The following DRP2 variants were observed in gnomAD, a reference collection of about 807,000 sequenced individuals.
DRP2 encodes dystrophin-related protein 2.
Under a neutral mutation model 78.2 loss-of-function variants are expected in DRP2, and 29 were observed. The observed-to-expected ratio is 0.37, with a 90% confidence interval of 0.28 to 0.51. The LOEUF is 0.51. Ranked by LOEUF, DRP2 falls within the 20% of genes least tolerant of loss-of-function variation. The pLI is 0.94. For synonymous variants in DRP2, 290 were observed against 281.9 expected (o/e 1.03, Z -0.29); for missense variants, 686 against 770.6 (o/e 0.89, Z 1.30).
chrX:101,252,983 G>A (rs1425823111), intron 17 of DRP2, among the ~76,000 whole-genome samples: 2 of 111,730 alleles, frequency 1.8e-5, no homozygotes, highest in African/African-American at 6.5e-5. Context: ...AAAAGTCTCA[G>A]GAAAAACAAA....
chrX:101,248,060 T>G, intron 12 of DRP2, 29 bp from the exon 13 acceptor site: 1 of 1,193,464 alleles, frequency 8.4e-7, no homozygotes, highest in Non-Finnish European at 1.1e-6. Context: ...TGGCTATATT[T>G]TTTTTCTCTT....
At chrX:101,240,391 A>C (rs1922675262) in intron 6 of DRP2, among the ~76,000 whole-genome samples, 1 of 111,669 alleles carries the variant, frequency 9.0e-6, no homozygotes, top group African/African-American at 3.3e-5. Context: ...GCATGCTACC[A>C]CACCCAGCTA....
chrX:101,254,717 C>T, intron 18 of DRP2, 142 bp from the exon 19 acceptor site: 1 of 1,047,676 alleles, frequency 9.5e-7, no homozygotes. Context: ...TGCACTCTGG[C>T]CTGAGAAGTA....
At position 101,231,744 on chromosome X, in the gene DRP2, A is replaced by G; in HGVS notation, c.97A>G (p.Ser33Gly). ...GTTCCATCATAGCAGCAGCCTCCGA[A>G]GCACCTGCCCCCACCCTCAGGTAAG... ...DQFHHSSSLRSTCPHPQVRAA... is the reference protein window; with the variant it reads ...DQFHHSSSLRGTCPHPQVRAA... The change falls in exon 3 of 24, where the codon AGC (serine) becomes GGC (glycine). Residue 33 changes from serine (S) to glycine (G), a missense_variant. By Grantham distance (56) the Ser-to-Gly change is moderately conservative. Around this residue, in one of 2 missense-constraint regions of DRP2, gnomAD observed 263 missense variants for 239.1 expected, o/e 1.10. Transcript: ENST00000395209. The G allele has an allele frequency of 8.3e-7, 1 of 1,209,689 alleles. No homozygotes were observed. Among genetic ancestry groups the G allele is most frequent in the Non-Finnish European group, 1.1e-6 (1 of 894,016 alleles).
Position 101,260,038 on chromosome X carries a change from C to G in DRP2, c.2629-11C>G. 8.3e-7 allele frequency: 1 copy of G among 1,211,079 alleles called. No individual in the cohort carries two copies. The highest frequency in any genetic ancestry group is 1.1e-6 in the Non-Finnish European group (1 of 895,224). On this transcript the variant is annotated splice_polypyrimidine_tract_variant and intron_variant, in intron 22 of 23. Transcript: ENST00000395209. The stretch of plus-strand genomic sequence containing the variant: ...GCAAATCCACTTAAGTCATGCCTTA[C>G]CTCTTGCTAGCCACCCACCGAATCA...
chrX:101,254,600 C>T, intron 18 of DRP2, 39 bp downstream of exon 18: 1 of 1,209,194 alleles, frequency 8.3e-7, no homozygotes. Context: ...TGGGCAGCCT[C>T]ACTGAGCCCG....
At position 101,237,672 on chromosome X, in the gene DRP2, A is replaced by G. The variant is rs998121576; in HGVS notation, c.335A>G (p.Gln112Arg). Reference protein sequence around the residue: ...DHSGKLQLPLQEIIDWLSQKD... With the variant: ...DHSGKLQLPLREIIDWLSQKD... ...AGTGGAAAGCTTCAGCTCCCTCTTC[A>G]AGAGATTATTGACTGGCTCAGCCAA... Residue 112 changes from glutamine (Q) to arginine (R), a missense_variant, in exon 5 of 24, where the codon CAA becomes CGA. Physicochemically the swap from Gln to Arg is conservative, Grantham distance 43. Around this residue, in one of 2 missense-constraint regions of DRP2, gnomAD observed 263 missense variants for 239.1 expected, o/e 1.10. Coordinates refer to ENST00000395209, the MANE Select transcript of DRP2 (RefSeq NM_001939.3). The G allele has an allele frequency of 1.2e-5, 14 of 1,175,213 alleles. No individual in the cohort carries two copies. The highest frequency in any genetic ancestry group is 1.8e-5 in the African/African-American group (1 of 56,893).
At chrX:101,223,029 C>T (rs968690000) in intron 1 of DRP2, among the ~76,000 whole-genome samples, 7 of 111,673 alleles carry the variant, frequency 6.3e-5, no homozygotes, top group African/African-American at 2.3e-4. Flanking sequence ...TTTTTCTCCC[C>T]GCCAAGAGAC....
rs1199650511 is a variant in DRP2 at position 101,260,523 on chromosome X, G to A, written c.2776G>A (p.Val926Ile). The A allele has an allele frequency of 1.7e-6, 2 of 1,209,312 alleles. No homozygotes were observed. Among genetic ancestry groups the A allele is most frequent in the Non-Finnish European group, 1.1e-6 (1 of 895,082 alleles). ...TGATGTGGGGTCAAAGAGCCAGGAT[G>A]TCAGCCTGTGCTTGGAGGACATCAT... Reference protein sequence around the residue: ...ADDVGSKSQDVSLCLEDIMEK... With the variant: ...ADDVGSKSQDISLCLEDIMEK... Residue 926 changes from valine (V) to isoleucine (I), a missense_variant, in exon 24 of 24, where the codon GTC (valine) becomes ATC (isoleucine). Physicochemically the swap from Val to Ile is conservative, Grantham distance 29. Transcript: ENST00000395209.
intron 9 of DRP2, among the ~76,000 whole-genome samples, chrX:101,244,794 G>A (rs1033073882): frequency 1.8e-5 from 2 of 112,230 alleles, no homozygotes; most frequent in Non-Finnish European, 3.8e-5. Context: ...TTAGGATATC[G>A]GTGACAACCT....
intron 3 of DRP2, among the ~76,000 whole-genome samples, chrX:101,232,180 G>C (rs1922331069): frequency 1.8e-5 from 2 of 110,893 alleles, no homozygotes; most frequent in South Asian, 7.9e-4. Flanking sequence ...TTCCTCTCAA[G>C]TTCCTAGCCT....
At chrX:101,253,851 T>G (rs747441900) in intron 17 of DRP2, among the ~76,000 whole-genome samples, 3 of 111,615 alleles carry the variant, frequency 2.7e-5, no homozygotes, top group Admixed American at 9.6e-5. Flanking sequence ...CATGGAAAAC[T>G]GGCTGGATCT....
At chrX:101,224,197 T>TTG (rs1569507498) in intron 1 of DRP2, among the ~76,000 whole-genome samples, 4 of 62,699 alleles carry the variant, frequency 6.4e-5, no homozygotes, top group African/African-American at 3.1e-4. Flanking sequence ...TTTTGTTTTT[T>TTG]TTTTTTTTTT....
chrX:101,228,523 A>G (rs1420280590), intron 2 of DRP2, among the ~76,000 whole-genome samples: 2 of 111,933 alleles, frequency 1.8e-5, no homozygotes, highest in African/African-American at 6.5e-5. Flanking sequence ...CACTGCTAAT[A>G]GGTTGAATAG....
chrX:101,229,765 A>G (rs1461699433), intron 2 of DRP2, among the ~76,000 whole-genome samples: 2 of 111,542 alleles, frequency 1.8e-5, no homozygotes, highest in Non-Finnish European at 3.8e-5. Context: ...AAAAGAGATC[A>G]CCTTATTATT....
Position 101,245,397 on chromosome X carries a change from T to C in DRP2, c.1125T>C (p.Ala375=), listed in dbSNP as rs1468506881. The C allele has an allele frequency of 8.3e-7, 1 of 1,203,001 alleles. No homozygotes were observed. Among genetic ancestry groups the C allele is most frequent in the Non-Finnish European group, 1.1e-6 (1 of 891,546 alleles). ...NKVPYYINHQ[A]QTTCWDHPKM... is the part of the protein sequence containing the mutation. Reference sequence around the variant, plus strand: ...ATGCTATTGTTTGTAGCCACCAGGCTCAGACCACATGCTGGGACCATCCCA... The same window carrying C: ...ATGCTATTGTTTGTAGCCACCAGGCCCAGACCACATGCTGGGACCATCCCA... The change falls in exon 11 of 24, where the codon GCT becomes GCC. Residue 375 remains alanine, a synonymous_variant. Transcript: ENST00000395209.
intron 2 of DRP2, among the ~76,000 whole-genome samples, chrX:101,225,668 T>G (rs777088889): frequency 1.8e-5 from 2 of 111,850 alleles, no homozygotes; most frequent in East Asian, 2.8e-4. Context: ...AAATAGTTGT[T>G]GACCTCCTTG....
In DRP2 at chrX:101,258,326, T is replaced by C; in HGVS notation, c.2408T>C (p.Leu803Pro). The change falls in exon 22 of 24, where the codon CTG (leucine) becomes CCG (proline). Residue 803 changes from leucine to proline, a missense_variant. Around this residue, in one of 2 missense-constraint regions of DRP2, gnomAD observed 423 missense variants for 531.5 expected, o/e 0.80. Transcript: ENST00000395209. The part of the protein sequence containing the change: ...EDENRILQGE[L>P]RRLKWQHEEA... ...CATGGCAGGATTCTCCAGGGAGAGC[T>C]GAGGCGCCTGAAGTGGCAGCATGAG... 8.5e-7 allele frequency: 1 copy of C among 1,179,862 alleles called. No individual in the cohort carries two copies. The highest frequency in any genetic ancestry group is 3.1e-5 in the East Asian group (1 of 32,169).
At position 101,256,552 on chromosome X, in the gene DRP2, ATT is replaced by A. The variant is rs61273526; in HGVS notation, c.2390+304_2390+305del. On this transcript the variant is annotated intron_variant, in intron 21 of 23. Coordinates refer to ENST00000395209, the MANE Select transcript of DRP2 (RefSeq NM_001939.3). ...ATAATAATTATTTGAAAACTTTTAA[ATT>A]TTTTTTTTTTTTGAGACAGAGTCTC... Among the ~76,000 whole-genome samples the A allele has an allele frequency of 3.8e-4, 37 of 98,249 alleles. 1 individual carries two copies. Among genetic ancestry groups the A allele is most frequent in the South Asian group, 2.2e-3 (4 of 1,858 alleles). The allele number at this position is 98,249 out of a possible 115,157, so 85.3% of individuals were successfully genotyped here. A position where few individuals can be genotyped will look rare whatever the true frequency, so the allele number is the denominator to read the frequency against.
Sources: allele counts gnomAD v4.1 joint callset (sites outside exome capture counted in the v4.1 genomes callset), GRCh38; gene constraint gnomAD v4.1.1; regional missense constraint gnomAD v4.1.1; transcripts MANE v1.5; gene names NCBI Gene and HGNC (gene_info 2026-07-23, HGNC 2026-07-21).